Variants in XKR4 observed in about 807,000 individuals in gnomAD.
The protein encoded by XKR4 is XK-related protein 4.
XKR4 carries 12 observed loss-of-function variants against 53.9 expected under a neutral mutation model. The observed-to-expected ratio is 0.22, with a 90% CI of 0.14 to 0.36. The LOEUF (loss-of-function observed/expected upper bound fraction) is 0.36. Among genes scored for constraint, XKR4 ranks in the 10% least tolerant of loss-of-function variants. The probability of loss-of-function intolerance (pLI) is 1.00; values close to 1 mark genes in which losing one functional copy is unlikely to be tolerated. For synonymous variants in XKR4, 354 were observed against 362.4 expected, an observed-to-expected ratio of 0.98 and a Z score of 0.26; for missense variants, 799 against 859.5, an observed-to-expected ratio of 0.93 and a Z score of 0.88.
At chr8:55,204,901 C>CCT (rs1345515099) in intron 1 of XKR4, among the ~76,000 whole-genome samples, 6 of 152,180 alleles carry the variant, frequency 3.9e-5, no homozygotes, top group Admixed American at 3.9e-4. Flanking sequence ...ACAAAAAGCT[C>CCT]TGAGACACTC....
chr8:55,224,955 C>T (rs1281690761), intron 1 of XKR4, among the ~76,000 whole-genome samples: 5 of 152,120 alleles, frequency 3.3e-5, no homozygotes, highest in Non-Finnish European at 7.4e-5. Context: ...TTTTCTGTTA[C>T]TAATTAATGA....
At chr8:55,260,525 G>A (rs1339925833) in intron 1 of XKR4, among the ~76,000 whole-genome samples, 2 of 152,176 alleles carry the variant, frequency 1.3e-5, no homozygotes, top group East Asian at 3.9e-4. Flanking sequence ...ATGGAGTGAG[G>A]TTTAGAGTGC....
chr8:55,357,476 T>C (rs1803837044), intron 1 of XKR4, among the ~76,000 whole-genome samples: 1 of 152,212 alleles, frequency 6.6e-6, no homozygotes. Context: ...AGGACTAAAA[T>C]TGCAGTGACT....
rs1271654572 is a variant in XKR4 at position 55,475,757 on chromosome 8, C to A, written c.1007-47524C>A. On this transcript the variant is annotated intron_variant, in intron 2 of 2. Transcript: ENST00000327381. ...AGCTGGGATTATAGGCGCACACCAC[C>A]ACGCCCAGCTAATTTTTGTATTTTT... Among the ~76,000 whole-genome samples, 3 of 151,908 alleles carry A rather than the reference C, an allele frequency of 2.0e-5. No homozygotes were observed. The East Asian group carries it at 5.8e-4, about 29-fold the overall frequency.
chr8:55,204,562 C>T (rs546511211), intron 1 of XKR4, among the ~76,000 whole-genome samples: 3 of 152,206 alleles, frequency 2.0e-5, no homozygotes, highest in African/African-American at 4.8e-5. Context: ...TTTATACCCA[C>T]GTAGCCCATG....
At chr8:55,265,638 G>A (rs1054017529) in intron 1 of XKR4, among the ~76,000 whole-genome samples, 8 of 152,068 alleles carry the variant, frequency 5.3e-5, no homozygotes, top group Non-Finnish European at 8.8e-5. Context: ...AGGATTGCTT[G>A]AGCCTAGGAG....
At chr8:55,160,263 T>C (rs969952748) in intron 1 of XKR4, among the ~76,000 whole-genome samples, 1 of 152,250 alleles carries the variant, frequency 6.6e-6, no homozygotes, top group African/African-American at 2.4e-5. Context: ...TGTGGTGTTT[T>C]CAAGTGAGAA....
chr8:55,154,409 G>A (rs542965693), intron 1 of XKR4, among the ~76,000 whole-genome samples: 9 of 152,256 alleles, frequency 5.9e-5, no homozygotes, highest in Non-Finnish European at 1.3e-4. Context: ...GAAGCCTAGC[G>A]AGAGTTGATA....
intron 2 of XKR4, chr8:55,454,133 A>G: frequency 1.1e-6 from 1 of 882,224 alleles, no homozygotes; most frequent in Non-Finnish European, 1.9e-6. Context: ...GAGGTCAACC[A>G]ACTCCAGCTC....
At chr8:55,326,950 G>A (rs554388674) in intron 1 of XKR4, among the ~76,000 whole-genome samples, 1 of 152,056 alleles carries the variant, frequency 6.6e-6, no homozygotes, top group South Asian at 2.1e-4. Flanking sequence ...GATTTTGAGG[G>A]ACAATGAGGA....
chr8:55,289,668 G>GA (rs1378587409), intron 1 of XKR4, among the ~76,000 whole-genome samples: 523 of 43,704 alleles, frequency 0.012, 10 homozygotes, highest in Non-Finnish European at 0.022. Context: ...GAAAAGAAAA[G>GA]AAAAGAAAGA....
chr8:55,313,573 TG>T (rs1819416765), intron 1 of XKR4, among the ~76,000 whole-genome samples: 1 of 152,100 alleles, frequency 6.6e-6, no homozygotes, highest in South Asian at 2.1e-4. Flanking sequence ...AGCCACTAGA[TG>T]GGGGTGTCTA....
chr8:55,190,340 C>A (rs767849287), intron 1 of XKR4, among the ~76,000 whole-genome samples: 1 of 152,186 alleles, frequency 6.6e-6, no homozygotes, highest in Non-Finnish European at 1.5e-5. Context: ...GCAATAAGGG[C>A]AATTCCTTGC....
intron 1 of XKR4, among the ~76,000 whole-genome samples, chr8:55,165,638 T>C (rs920448081): frequency 1.3e-5 from 2 of 151,854 alleles, no homozygotes; most frequent in Non-Finnish European, 2.9e-5. Flanking sequence ...TGAAAATTCA[T>C]GAAATAAATA....
intron 2 of XKR4, among the ~76,000 whole-genome samples, chr8:55,472,390 T>A (rs967272127): frequency 6.6e-6 from 1 of 152,164 alleles, no homozygotes; most frequent in African/African-American, 2.4e-5. Flanking sequence ...CAGATAGATG[T>A]GAATATGTTC....
chr8:55,442,043 G>C lies in XKR4; in HGVS notation c.1007-81238G>C, dbSNP rs150349805. 3.3e-3 allele frequency among the ~76,000 whole-genome samples: 504 copies of C among 151,862 alleles called. 5 individuals are homozygous for C. Among genetic ancestry groups the C allele is most frequent in the African/African-American group, 0.011 (474 of 41,458 alleles). On this transcript the variant is annotated intron_variant, in intron 2 of 2. Coordinates refer to ENST00000327381, the MANE Select transcript of XKR4 (RefSeq NM_052898.2). ...TAAAATGGAAAGACACAATACAAAA[G>C]ATTAACAAAAATTTTTTTCTTTGAA...
At chr8:55,346,689 G>GTGTGTT (rs1803649175) in intron 1 of XKR4, among the ~76,000 whole-genome samples, 1 of 133,496 alleles carries the variant, frequency 7.5e-6, no homozygotes, top group Non-Finnish European at 1.6e-5. Flanking sequence ...GAGGTTATGT[G>GTGTGTT]TGTGTGTGTG....
chr8:55,363,303 T>A (rs1803929320), intron 2 of XKR4, among the ~76,000 whole-genome samples: 1 of 152,188 alleles, frequency 6.6e-6, no homozygotes, highest in Non-Finnish European at 1.5e-5. Context: ...TTCCTTCATA[T>A]TCTAGAAGAA....
At chr8:55,418,113 C>G (rs141138138) in intron 2 of XKR4, among the ~76,000 whole-genome samples, 1 of 152,200 alleles carries the variant, frequency 6.6e-6, no homozygotes, top group Non-Finnish European at 1.5e-5. Flanking sequence ...AGCCCATCCC[C>G]CTGAGAGGGA....
Sources: allele counts gnomAD v4.1 joint callset (sites outside exome capture counted in the v4.1 genomes callset), GRCh38; gene constraint gnomAD v4.1.1; transcripts MANE v1.5; gene names NCBI Gene and HGNC (gene_info 2026-07-23, HGNC 2026-07-21).